Variants in LRRK2 observed in about 807,000 individuals in gnomAD.
LRRK2 encodes the protein leucine rich repeat kinase 2, also known as leucine-rich repeat serine/threonine-protein kinase 2.
LRRK2 carries 203 observed loss-of-function variants against 302.6 expected under a neutral mutation model. The ratio of observed to expected loss-of-function variants is 0.67; its 90% confidence interval spans 0.60 to 0.75. The LOEUF (loss-of-function observed/expected upper bound fraction) is 0.75, where lower values mean the gene tolerates loss of function less well. Ranked by LOEUF, LRRK2 falls within the 30% of genes least tolerant of loss-of-function variation. LRRK2 has a pLI of 0.00. For missense variants in LRRK2, 2,830 were observed against 2,951.0 expected, an observed-to-expected ratio of 0.96 and a Z score of 0.95; for synonymous variants, 1,066 against 1,031.9, an observed-to-expected ratio of 1.03 and a Z score of -0.63.
rs566948607 is a variant in LRRK2 at position 40,284,657 on chromosome 12, A to G, written c.2500+524A>G. Among the ~76,000 whole-genome samples, 31 of 152,202 alleles carry G rather than the reference A, an allele frequency of 2.0e-4. No individual in the cohort carries two copies. In the East Asian group the frequency reaches 5.6e-3, roughly 27 times the overall value. ...TTTCAAGCTCATGTGTATTTTGTAC[A>G]TATTATGTGTATTGATGGTAAGTTA... On this transcript the variant is annotated intron_variant, in intron 19 of 50. Transcript: ENST00000298910.
At chr12:40,301,998 G>A (rs1397914664) in intron 25 of LRRK2, among the ~76,000 whole-genome samples, 4 of 152,070 alleles carry the variant, frequency 2.6e-5, no homozygotes, top group Admixed American at 1.3e-4. Context: ...CTAACATGGT[G>A]AAACCCCATC....
In LRRK2 at chr12:40,235,752, A is replaced by T. The variant is rs2131088; in HGVS notation, c.436+38A>T. The stretch of plus-strand genomic sequence containing the variant: ...TATGTTTTTTGTGTTGATTCAAATT[A>T]AAAAAAAAGTTGATACCATTAAGTA... On this transcript the variant is annotated intron_variant, in intron 4 of 50. Transcript: ENST00000298910. 83,905 of 1,201,768 alleles carry T rather than the reference A, an allele frequency of 0.07. 4,682 individuals carry two copies. The highest frequency in any genetic ancestry group is 0.31 in the East Asian group (13,033 of 41,998). The allele number at this position is 1,201,768 out of a possible 1,614,324, so 74.4% of individuals were successfully genotyped here.
rs1944518562 is a variant in LRRK2, at chr12:40,299,015, A to G, written c.3348-94A>G. The G allele has an allele frequency of 2.4e-6, 3 of 1,269,572 alleles. No individual in the cohort carries two copies. The South Asian group carries it at 3.8e-5, about 16-fold the overall frequency. The allele number at this position is 1,269,572 out of a possible 1,614,324, so 78.6% of individuals were successfully genotyped here. A position where few individuals can be genotyped will look rare whatever the true frequency, so the allele number is the denominator to read the frequency against. ...TTTTTAAATTAATGAGTCCTCTTTG[A>G]TGCTGTTCTTTGAAAGCAAATTGTT... is the stretch of plus-strand genomic sequence containing the variant. On this transcript the variant is annotated intron_variant, in intron 24 of 50. Coordinates refer to ENST00000298910, the MANE Select transcript of LRRK2 (RefSeq NM_198578.4).
intron 20 of LRRK2, among the ~76,000 whole-genome samples, chr12:40,292,560 A>G (rs1360801639): frequency 6.6e-6 from 1 of 151,670 alleles, no homozygotes; most frequent in Non-Finnish European, 1.5e-5. Flanking sequence ...ATTATAAATT[A>G]TATTTTATTA....
chr12:40,353,202 C>T lies in LRRK2; in HGVS notation c.6577-1097C>T, dbSNP rs1338023884. Among the ~76,000 whole-genome samples the T allele has an allele frequency of 1.8e-4, 26 of 145,288 alleles. 1 individual carries two copies. In the South Asian group the frequency reaches 2.1e-3, roughly 11 times the overall value. On this transcript the variant is annotated intron_variant, in intron 44 of 50. Coordinates refer to ENST00000298910, the MANE Select transcript of LRRK2 (RefSeq NM_198578.4). ...CTTCTCCGACGGGGCGGCTGCTGGG[C>T]GGAGGGGCTCCTCACTTCTCAGACG...
intron 14 of LRRK2, among the ~76,000 whole-genome samples, chr12:40,267,005 G>A (rs1211339156): frequency 6.7e-6 from 1 of 150,070 alleles, no homozygotes; most frequent in Non-Finnish European, 1.5e-5. Flanking sequence ...GGGGAGGGGG[G>A]ATAGCATTTG....
rs1159182087 is a variant in LRRK2, at chr12:40,354,319, A to T, written c.6597A>T (p.Ile2199=). The T allele has an allele frequency of 1.2e-6, 2 of 1,613,956 alleles. No homozygotes were observed. The highest frequency in any genetic ancestry group is 1.7e-6 in the Non-Finnish European group (2 of 1,179,976). Residue 2199 remains isoleucine (I), a synonymous_variant, in exon 45 of 51, where the codon ATA becomes ATT. Coordinates refer to ENST00000298910, the MANE Select transcript of LRRK2 (RefSeq NM_198578.4). ...YTSEEVADSR[I]LCLALVHLPV... is the part of the protein sequence containing the mutation. ...AACAGGAAGTTGCTGATAGTAGAAT[A>T]TTGTGCTTAGCCTTGGTGCATCTTC...
intron 7 of LRRK2, among the ~76,000 whole-genome samples, chr12:40,245,810 C>T (rs974837850): frequency 2.0e-5 from 3 of 151,816 alleles, no homozygotes; most frequent in Admixed American, 6.6e-5. Flanking sequence ...TTGAACTAAC[C>T]TACCTTTCTA....
chr12:40,365,049 AG>A lies in LRRK2; in HGVS notation c.7390+1del. 1 of 1,611,266 alleles carries A rather than the reference AG, an allele frequency of 6.2e-7. No individual in the cohort carries two copies. Among genetic ancestry groups the A allele is most frequent in the Non-Finnish European group, 8.5e-7 (1 of 1,178,046 alleles). On this transcript the variant is annotated frameshift_variant and splice_region_variant, in exon 49 of 51. Coordinates refer to ENST00000298910, the MANE Select transcript of LRRK2 (RefSeq NM_198578.4). LOFTEE classifies it high-confidence loss of function. ...TCAGAGTCATGATGACAGCACAGCT[AG>A]GCAAGTTTCTTTCCTTTAGATATTT... is the stretch of plus-strand genomic sequence containing the variant. Reference protein sequence around the residue: ...SVRVMMTAQLGSLKNVMLVLG... With the variant: ...SVRVMMTAQLXSLKNVMLVLG...
chr12:40,352,531 G>A (rs1946386356), intron 44 of LRRK2, among the ~76,000 whole-genome samples: 2 of 138,360 alleles, frequency 1.4e-5, no homozygotes, highest in African/African-American at 5.3e-5. Flanking sequence ...CAGGGTCATA[G>A]GACAATAATG....
At position 40,348,454 on chromosome 12, in the gene LRRK2, A is replaced by C; in HGVS notation, c.6326A>C (p.Lys2109Thr). 1.2e-6 allele frequency: 2 copies of C among 1,613,054 alleles called. No homozygotes were observed. Among genetic ancestry groups the C allele is most frequent in the Non-Finnish European group, 8.5e-7 (1 of 1,179,266 alleles). ...YGCAPWPMVE[K>T]LIKQCLKENP... ...TGTGCCCCATGGCCTATGGTTGAGAAATTAATTAAACAGTGTTTGAAAGAA... is the reference window on the plus strand; with the variant it reads ...TGTGCCCCATGGCCTATGGTTGAGACATTAATTAAACAGTGTTTGAAAGAA... The change falls in exon 43 of 51, where the codon AAA becomes ACA. Residue 2109 changes from lysine to threonine, a missense_variant. Coordinates refer to ENST00000298910, the MANE Select transcript of LRRK2 (RefSeq NM_198578.4).
chr12:40,235,076 T>C (rs575038735), intron 3 of LRRK2, among the ~76,000 whole-genome samples: 61 of 152,324 alleles, frequency 4.0e-4, no homozygotes, highest in African/African-American at 1.4e-3. Context: ...AGGTATACAA[T>C]TGATGATTTG....
chr12:40,305,583 A>T (rs567380472), intron 27 of LRRK2, among the ~76,000 whole-genome samples: 1 of 152,240 alleles, frequency 6.6e-6, no homozygotes, highest in South Asian at 2.1e-4. Context: ...TTTGGGAGTA[A>T]GTTTTTATAT....
intron 21 of LRRK2, among the ~76,000 whole-genome samples, chr12:40,293,983 C>G (rs926434533): frequency 3.3e-5 from 5 of 151,146 alleles, no homozygotes; most frequent in Non-Finnish European, 7.4e-5. Flanking sequence ...AGAGCCCAGG[C>G]TAGACCTCTA....
intron 28 of LRRK2, among the ~76,000 whole-genome samples, chr12:40,307,034 CTA>C (rs1295221015): frequency 6.6e-6 from 1 of 151,016 alleles, no homozygotes; most frequent in Non-Finnish European, 1.5e-5. Flanking sequence ...TATTATCTAA[CTA>C]AATATTTTTA....
intron 2 of LRRK2, among the ~76,000 whole-genome samples, chr12:40,229,022 T>C (rs1001870721): frequency 6.6e-6 from 1 of 152,198 alleles, no homozygotes; most frequent in Non-Finnish European, 1.5e-5. Context: ...TTGTGCAAGC[T>C]AGTAAAAAGC....
chr12:40,227,716 G>A (rs1205307393), intron 2 of LRRK2, among the ~76,000 whole-genome samples: 1 of 152,118 alleles, frequency 6.6e-6, no homozygotes, highest in Non-Finnish European at 1.5e-5. Context: ...TTAATTTAGA[G>A]ACAGGGTCTC....
intron 4 of LRRK2, 89 bp from the exon 5 acceptor site, chr12:40,237,880 C>A: frequency 7.2e-7 from 1 of 1,389,072 alleles, no homozygotes; most frequent in Non-Finnish European, 1.0e-6. Context: ...CATTCACAGT[C>A]TTCATGTAAA....
At chr12:40,270,609 C>CT (rs1202298996) in intron 14 of LRRK2, among the ~76,000 whole-genome samples, 2 of 151,894 alleles carry the variant, frequency 1.3e-5, no homozygotes, top group African/African-American at 4.8e-5. Flanking sequence ...GTGGAGAAGT[C>CT]TGAGGCCAGC....
Sources: gnomAD v4.1 joint callset for allele counts (sites outside exome capture counted in the v4.1 genomes callset) on GRCh38, gnomAD v4.1.1 for gene constraint, MANE v1.5 for transcripts, NCBI Gene and HGNC (gene_info 2026-07-23, HGNC 2026-07-21) for gene names.